DLG5: variants seen among roughly 807,000 people sequenced by gnomAD.
The protein encoded by DLG5 is disks large homolog 5.
In DLG5, 48 loss-of-function variants were observed where a neutral mutation model predicts 189.8. The ratio of observed to expected loss-of-function variants is 0.25; its 90% CI spans 0.20 to 0.32. The LOEUF is 0.32. Among genes scored for constraint, DLG5 ranks in the 10% least tolerant of loss-of-function variants. The pLI is 1.00. For missense variants in DLG5, 2,160 were observed against 2,544.7 expected (o/e 0.85, Z 3.25); for synonymous variants, 1,016 against 1,054.1 (o/e 0.96, Z 0.70).
At chr10:77,793,893 G>T in intron 31 of DLG5, 115 bp downstream of exon 31, 1 of 878,616 alleles carries the variant, frequency 1.1e-6, no homozygotes, top group Non-Finnish European at 1.8e-6. Context: ...GCTCATGACA[G>T]CACTTGGGAG....
At chr10:77,795,617 C>A (rs568927526) in intron 29 of DLG5, among the ~76,000 whole-genome samples, 134 of 152,266 alleles carry the variant, frequency 8.8e-4, no homozygotes, top group African/African-American at 3.0e-3. Flanking sequence ...CCTCGTGCTG[C>A]CTAGGATGTT....
At chr10:77,872,983 G>A (rs1844962002) in intron 1 of DLG5, among the ~76,000 whole-genome samples, 1 of 150,624 alleles carries the variant, frequency 6.6e-6, no homozygotes, top group South Asian at 2.1e-4. Flanking sequence ...AGTGCCCAGG[G>A]CTAAGGGGGA....
At position 77,812,062 on chromosome 10, in the gene DLG5, G is replaced by A. The variant is rs773515738; in HGVS notation, c.4189-5C>T. 16 of 1,608,964 alleles carry A rather than the reference G, an allele frequency of 9.9e-6. No individual in the cohort carries two copies. The highest frequency in any genetic ancestry group is 2.7e-5 in the African/African-American group (2 of 75,060). ...CCGCAGGTTTATGCCGTTGAACTGGGGAAACACCAGGATGGGCTCAGTGGG... is the reference window on the plus strand; with the variant it reads ...CCGCAGGTTTATGCCGTTGAACTGGAGAAACACCAGGATGGGCTCAGTGGG... On this transcript the variant is annotated splice_polypyrimidine_tract_variant and splice_region_variant and intron_variant, in intron 21 of 31. Coordinates refer to ENST00000372391, the MANE Select transcript of DLG5 (RefSeq NM_004747.4).
chr10:77,915,937 T>A (rs565726002), intron 1 of DLG5, among the ~76,000 whole-genome samples: 1 of 152,218 alleles, frequency 6.6e-6, no homozygotes, highest in Non-Finnish European at 1.5e-5. Context: ...GTTTGGTTAA[T>A]GTCTGGCCTC....
chr10:77,934,385 A>G, the DLG5 span, among the ~76,000 whole-genome samples: 11 of 151,686 alleles, frequency 7.3e-5, no homozygotes, highest in Non-Finnish European at 1.6e-4. Flanking sequence ...AAAAAAAAAA[A>G]AAAGAAAAGG....
chr10:77,819,874 G>T (rs899292492), intron 16 of DLG5, 21 bp downstream of exon 16: 4 of 1,537,982 alleles, frequency 2.6e-6, no homozygotes, highest in Non-Finnish European at 3.5e-6. Flanking sequence ...CTCAGCCCCA[G>T]CCCCTGGCTG....
chr10:77,856,604 A>C, intron 3 of DLG5, 126 bp downstream of exon 3: 1 of 1,250,614 alleles, frequency 8.0e-7, no homozygotes, highest in Non-Finnish European at 1.1e-6. Flanking sequence ...AGGTGGGGGA[A>C]AGGGGACACT....
chr10:77,806,713 C>T (rs764679802), intron 26 of DLG5, 45 bp downstream of exon 26: 81 of 1,421,466 alleles, frequency 5.7e-5, no homozygotes, highest in Middle Eastern at 4.3e-4. Flanking sequence ...TGGTGGCCCT[C>T]GGCGACCCCT....
chr10:77,866,298 G>A (rs1162608292), intron 2 of DLG5, among the ~76,000 whole-genome samples: 1 of 152,210 alleles, frequency 6.6e-6, no homozygotes, highest in Non-Finnish European at 1.5e-5. Flanking sequence ...AAACTGGAGG[G>A]CTATTAAGCT....
chr10:77,908,796 G>C (rs1429510177), intron 1 of DLG5, among the ~76,000 whole-genome samples: 1 of 152,018 alleles, frequency 6.6e-6, no homozygotes, highest in Non-Finnish European at 1.5e-5. Flanking sequence ...CTGGGGGGTG[G>C]GGGGAGAGAA....
intron 1 of DLG5, among the ~76,000 whole-genome samples, chr10:77,895,899 A>G (rs996852077): frequency 2.0e-5 from 3 of 152,188 alleles, no homozygotes; most frequent in African/African-American, 7.2e-5. Context: ...TTGACATAAA[A>G]CAGAGAAAAA....
At chr10:77,848,742 T>A (rs78961809) in intron 5 of DLG5, among the ~76,000 whole-genome samples, 38,479 of 151,694 alleles carry the variant, frequency 0.25, 5,407 homozygotes, top group Admixed American at 0.39. Flanking sequence ...GAATAAAAAT[T>A]AAACTATATG....
At chr10:77,815,263 G>A (rs1841993800) in intron 20 of DLG5, among the ~76,000 whole-genome samples, 1 of 152,220 alleles carries the variant, frequency 6.6e-6, no homozygotes, top group African/African-American at 2.4e-5. Flanking sequence ...AGTTACACCC[G>A]ATTCCCCTAC....
At chr10:77,810,722 C>T (rs577758863) in intron 23 of DLG5, among the ~76,000 whole-genome samples, 11 of 152,298 alleles carry the variant, frequency 7.2e-5, no homozygotes, top group East Asian at 1.9e-4. Context: ...TGCACGTGCC[C>T]GGCACTGGTC....
intron 1 of DLG5, among the ~76,000 whole-genome samples, chr10:77,891,842 TC>T (rs1171222446): frequency 1.3e-5 from 2 of 152,168 alleles, no homozygotes; most frequent in African/African-American, 4.8e-5. Flanking sequence ...TCCGGAGCCA[TC>T]CGGCTCTGCT....
rs1307760989 is a variant in DLG5 at position 77,827,072 on chromosome 10, C to T, written c.2289+1810G>A. On this transcript the variant is annotated intron_variant, in intron 13 of 31. Coordinates refer to ENST00000372391, the MANE Select transcript of DLG5 (RefSeq NM_004747.4). ...GTACATGTTTTGAAAGTGTCTGGGA[C>T]ATAATATAATAAATTGTTAACAGTG... is the stretch of plus-strand genomic sequence containing the variant. 2.6e-5 allele frequency among the ~76,000 whole-genome samples: 4 copies of T among 152,204 alleles called. No individual in the cohort carries two copies. In the South Asian group the frequency reaches 8.3e-4, roughly 32 times the overall value.
In DLG5 at chr10:77,926,565, C is replaced by T. The variant is rs982186748; in HGVS notation, c.-45G>A. On this transcript the variant is annotated 5_prime_UTR_variant, in exon 1 of 32. Coordinates refer to ENST00000372391, the MANE Select transcript of DLG5 (RefSeq NM_004747.4). The surrounding 1 kb of genome is among the most constrained non-coding windows in gnomAD (Gnocchi z 5.2). Reference sequence around the variant, plus strand: ...CCGCCCCGCCGGACGCCTCCCGGGCCCCCCGAGGCCGGCGGGCGGGCAGGC... The same window carrying T: ...CCGCCCCGCCGGACGCCTCCCGGGCTCCCCGAGGCCGGCGGGCGGGCAGGC... The T allele has an allele frequency of 1.2e-5, 15 of 1,209,572 alleles. No individual in the cohort carries two copies. Among genetic ancestry groups the T allele is most frequent in the African/African-American group, 8.0e-5 (5 of 62,740 alleles). 74.9% of individuals were successfully genotyped at this position (1,209,572 alleles called of 1,614,324 possible). A position where few individuals can be genotyped will look rare whatever the true frequency, so the allele number is the denominator to read the frequency against.
chr10:77,818,211 G>A (rs188234923), intron 17 of DLG5, among the ~76,000 whole-genome samples: 2 of 152,130 alleles, frequency 1.3e-5, no homozygotes, highest in African/African-American at 4.8e-5. Context: ...CCTGGGGAGG[G>A]GGAACCTGTC....
chr10:77,899,712 T>C (rs1411777868), intron 1 of DLG5, among the ~76,000 whole-genome samples: 1 of 152,202 alleles, frequency 6.6e-6, no homozygotes, highest in East Asian at 1.9e-4. Flanking sequence ...CAGGGGTAGC[T>C]GGCTCACCAG....
Sources: allele counts gnomAD v4.1 joint callset (sites outside exome capture counted in the v4.1 genomes callset), GRCh38; gene constraint gnomAD v4.1.1; non-coding constraint Gnocchi (gnomAD v3.1); transcripts MANE v1.5; gene names NCBI Gene and HGNC (gene_info 2026-07-23, HGNC 2026-07-21).